FRK: variants seen among roughly 807,000 people sequenced by gnomAD.
FRK encodes tyrosine-protein kinase FRK.
A neutral mutation model predicts 56.4 loss-of-function variants in FRK; 51 were observed. The ratio of observed to expected loss-of-function variants is 0.90; its 90% confidence interval spans 0.72 to 1.14. The LOEUF is 1.14. FRK is among the 50% of genes most tolerant of loss of function. The pLI is 0.00. For missense variants in FRK, 570 were observed against 601.4 expected, an observed-to-expected ratio of 0.95 and a Z score of 0.55; for synonymous variants, 245 against 217.9, an observed-to-expected ratio of 1.12 and a Z score of -1.10.
At chr6:116,046,048 A>G (rs191138132) in intron 1 of FRK, among the ~76,000 whole-genome samples, 3 of 152,400 alleles carry the variant, frequency 2.0e-5, no homozygotes, top group Admixed American at 2.0e-4. Flanking sequence ...AAAAAAGCTC[A>G]TCATCACTGG....
rs1445442089 is a variant in FRK, at chr6:116,060,039, G to A, written c.273C>T (p.Gly91=). The change falls in exon 1 of 8, where the codon GGC becomes GGT. Residue 91 remains glycine, a synonymous_variant. Coordinates refer to ENST00000606080, the MANE Select transcript of FRK (RefSeq NM_002031.3). The part of the protein sequence containing the change: ...FARHLEKRRD[G]SSQQLQGYIP... ...TATAGCCTTGTAGTTGCTGACTGGAGCCATCTCGTCTTTTCTCCAAGTGTC... is the reference window on the plus strand; with the variant it reads ...TATAGCCTTGTAGTTGCTGACTGGAACCATCTCGTCTTTTCTCCAAGTGTC... 12 of 1,614,064 alleles carry A rather than the reference G, an allele frequency of 7.4e-6. No homozygotes were observed. The highest frequency in any genetic ancestry group is 1.3e-5 in the African/African-American group (1 of 74,920).
At chr6:115,957,396 A>C (rs1773043614) in intron 4 of FRK, among the ~76,000 whole-genome samples, 1 of 152,256 alleles carries the variant, frequency 6.6e-6, no homozygotes, top group Admixed American at 6.5e-5. Flanking sequence ...TCTGGAGTTT[A>C]CATTTCATCA....
At chr6:116,083,057 A>C in the FRK span, among the ~76,000 whole-genome samples, 1 of 152,218 alleles carries the variant, frequency 6.6e-6, no homozygotes, top group African/African-American at 2.4e-5. Flanking sequence ...ACTGAGAAGG[A>C]TCAGTCAATG....
At chr6:115,960,326 G>A (rs1174728419) in intron 4 of FRK, among the ~76,000 whole-genome samples, 2 of 151,274 alleles carry the variant, frequency 1.3e-5, no homozygotes, top group South Asian at 2.1e-4. Flanking sequence ...CGAATATTGC[G>A]CTTTTCAGAC....
At position 115,931,496 on chromosome 6, in the gene FRK, A is replaced by T. The variant is rs1313085621; in HGVS notation, c.*10918T>A. 6.6e-6 allele frequency: 1 copy of T among 152,194 alleles called. No homozygotes were observed. The highest frequency in any genetic ancestry group is 2.4e-5 in the African/African-American group (1 of 41,462). 9.4% of individuals were successfully genotyped at this position (152,194 alleles called of 1,614,324 possible). A position where few individuals can be genotyped will look rare whatever the true frequency, so the allele number is the denominator to read the frequency against. The stretch of plus-strand genomic sequence containing the variant: ...TGTAATATGTGTCACATGTAACTGT[A>T]CAATATAAATATTAAAGAATACAAT... On this transcript the variant is annotated 3_prime_UTR_variant, in exon 8 of 8. Transcript: ENST00000606080.
chr6:116,068,624 C>T, the FRK span, among the ~76,000 whole-genome samples: 23 of 152,192 alleles, frequency 1.5e-4, no homozygotes, highest in East Asian at 3.9e-4. Context: ...CCAATGATGA[C>T]GGACTACATT....
At chr6:116,029,397 G>A (rs1239753053) in intron 1 of FRK, among the ~76,000 whole-genome samples, 1 of 152,060 alleles carries the variant, frequency 6.6e-6, no homozygotes, top group Non-Finnish European at 1.5e-5. Context: ...ATGATGCAAT[G>A]GATTAAGTGC....
At chr6:115,990,490 C>A (rs367862096) in intron 2 of FRK, among the ~76,000 whole-genome samples, 6 of 151,788 alleles carry the variant, frequency 4.0e-5, no homozygotes, top group African/African-American at 1.4e-4. Flanking sequence ...CTTCTGCATA[C>A]GGCTACACAA....
chr6:115,966,090 A>AGAAG (rs1562261367), intron 4 of FRK, among the ~76,000 whole-genome samples: 1 of 142,156 alleles, frequency 7.0e-6, no homozygotes, highest in Non-Finnish European at 1.5e-5. Context: ...CTTAAAAAAA[A>AGAAG]AAGAAGTATT....
At chr6:115,996,266 A>G (rs1471408286) in intron 2 of FRK, among the ~76,000 whole-genome samples, 1 of 152,132 alleles carries the variant, frequency 6.6e-6, no homozygotes, top group Non-Finnish European at 1.5e-5. Context: ...GTTCGCATTA[A>G]TTTTGAATGA....
the FRK span, among the ~76,000 whole-genome samples, chr6:116,093,973 G>A: frequency 1.3e-5 from 2 of 152,124 alleles, no homozygotes; most frequent in Non-Finnish European, 2.9e-5. Flanking sequence ...GGACCAAAAG[G>A]AACAGGCTGA....
rs560538365 is a variant in FRK, at chr6:115,939,574, A to G, written c.*2840T>C. On this transcript the variant is annotated 3_prime_UTR_variant, in exon 8 of 8. Coordinates refer to ENST00000606080, the MANE Select transcript of FRK (RefSeq NM_002031.3). Reference sequence around the variant, plus strand: ...TTTGCAGATGATATGAATTGTATATATAGGGAACCCCACCATCTCAGCCCA... The same window carrying G: ...TTTGCAGATGATATGAATTGTATATGTAGGGAACCCCACCATCTCAGCCCA... 3.3e-5 allele frequency: 5 copies of G among 152,170 alleles called. No homozygotes were observed. The highest frequency in any genetic ancestry group is 1.2e-4 in the African/African-American group (5 of 41,440). 9.4% of individuals were successfully genotyped at this position (152,170 alleles called of 1,614,324 possible).
chr6:116,070,000 C>T, the FRK span, among the ~76,000 whole-genome samples: 8 of 152,104 alleles, frequency 5.3e-5, no homozygotes, highest in African/African-American at 1.9e-4. Context: ...TGAGAGACAT[C>T]AGCAAATCCT....
chr6:116,011,626 T>G (rs933050627), intron 1 of FRK, among the ~76,000 whole-genome samples: 1 of 152,180 alleles, frequency 6.6e-6, no homozygotes, highest in Non-Finnish European at 1.5e-5. Context: ...TTACACATGT[T>G]ATAATGGGTA....
chr6:116,066,488 G>A, the FRK span, among the ~76,000 whole-genome samples: 1 of 152,000 alleles, frequency 6.6e-6, no homozygotes, highest in African/African-American at 2.4e-5. Context: ...TCCCTCTAGA[G>A]AACCCTGACT....
At chr6:116,086,596 T>C in the FRK span, among the ~76,000 whole-genome samples, 1 of 152,238 alleles carries the variant, frequency 6.6e-6, no homozygotes, top group South Asian at 2.1e-4. Flanking sequence ...GAAAAATTAA[T>C]GGTTGTCAGA....
At chr6:116,078,446 G>A in the FRK span, among the ~76,000 whole-genome samples, 23 of 152,176 alleles carry the variant, frequency 1.5e-4, no homozygotes, top group Non-Finnish European at 2.8e-4. Flanking sequence ...AAGAGCTTGG[G>A]ATGGACACAT....
chr6:115,950,718 ATG>A (rs1772710324), intron 5 of FRK, among the ~76,000 whole-genome samples: 1 of 152,216 alleles, frequency 6.6e-6, no homozygotes, highest in African/African-American at 2.4e-5. Flanking sequence ...ACACATGCAC[ATG>A]CATGTTTATT....
chr6:116,093,649 G>T, the FRK span, among the ~76,000 whole-genome samples: 2 of 140,374 alleles, frequency 1.4e-5, no homozygotes, highest in African/African-American at 5.1e-5. Flanking sequence ...TCAGATCATG[G>T]GGACTGGAGT....
Sources: allele counts gnomAD v4.1 joint callset (sites outside exome capture counted in the v4.1 genomes callset), GRCh38; gene constraint gnomAD v4.1.1; transcripts MANE v1.5; gene names NCBI Gene and HGNC (gene_info 2026-07-23, HGNC 2026-07-21).